The following ADARB1 variants were observed in gnomAD, a reference collection of about 807,000 sequenced individuals.
ADARB1 encodes the protein adenosine deaminase RNA specific B1.
In ADARB1, 10 loss-of-function variants were observed where a neutral mutation model predicts 52.4. That is an observed-to-expected ratio of 0.19 (90% CI 0.12 to 0.32). ADARB1 has a LOEUF of 0.32. ADARB1 is among the 10% of genes least tolerant of loss of function. ADARB1 has a pLI of 1.00. For missense variants in ADARB1, 643 were observed against 922.3 expected (o/e 0.70, Z 3.92); for synonymous variants, 349 against 371.1 (o/e 0.94, Z 0.68).
chr21:45,104,829 T>C (rs899222643), intron 1 of ADARB1, among the ~76,000 whole-genome samples: 4 of 152,218 alleles, frequency 2.6e-5, no homozygotes, highest in African/African-American at 4.8e-5. Context: ...CTTTGAAGTT[T>C]TCTTGGGGTG....
intron 1 of ADARB1, chr21:45,100,752 C>G (rs2086966779): frequency 6.6e-6 from 1 of 152,598 alleles, no homozygotes; most frequent in South Asian, 2.1e-4. Flanking sequence ...TCAAGCGTCT[C>G]TGTTGCTCAA....
chr21:45,192,655 G>C (rs1266493028), intron 8 of ADARB1, among the ~76,000 whole-genome samples: 1 of 152,114 alleles, frequency 6.6e-6, no homozygotes, highest in African/African-American at 2.4e-5. Flanking sequence ...GACAGAGAGA[G>C]GGCAAGGAAC....
At position 45,142,011 on chromosome 21, in the gene ADARB1, G is replaced by A. The variant is rs554012936; in HGVS notation, c.-48+13438G>A. Among the ~76,000 whole-genome samples the A allele has an allele frequency of 2.1e-3, 317 of 149,994 alleles. 2 individuals are homozygous for A. Among genetic ancestry groups the A allele is most frequent in the Non-Finnish European group, 3.3e-3 (224 of 67,318 alleles). ...TCACTCATGGTCAGCTTAGCTGTTT[G>A]TGGGTCACTTAGCCACCCCTGGGCC... On this transcript the variant is annotated intron_variant, in intron 2 of 10. Transcript: ENST00000348831. The surrounding 1 kb of genome is among the most constrained non-coding windows in gnomAD (Gnocchi z 4.0).
At chr21:45,198,506 C>CAT (rs2092476703) in intron 8 of ADARB1, among the ~76,000 whole-genome samples, 1 of 151,250 alleles carries the variant, frequency 6.6e-6, no homozygotes, top group East Asian at 1.9e-4. Context: ...ATCACACACA[C>CAT]ACACACACAC....
chr21:45,191,154 T>A (rs1359898775), intron 8 of ADARB1, among the ~76,000 whole-genome samples: 2 of 152,228 alleles, frequency 1.3e-5, no homozygotes, highest in African/African-American at 4.8e-5. Flanking sequence ...ACACCATTGA[T>A]TTTTTAATGT....
rs1335232384 is a variant in ADARB1, at chr21:45,172,405, T to C, written c.28+721T>C. Among the ~76,000 whole-genome samples, 1 of 152,214 alleles carries C rather than the reference T, an allele frequency of 6.6e-6. No homozygotes were observed. The highest frequency in any genetic ancestry group is 2.4e-5 in the African/African-American group (1 of 41,460). ...AATATAAATATCTGTATTTACCTTC[T>C]TACTTGTCTGAAGGAATAACATGCA... On this transcript the variant is annotated intron_variant, in intron 3 of 10. Transcript: ENST00000348831. This position sits in a 1 kb window ranked among gnomAD's most constrained non-coding sequence, Gnocchi z 4.4.
chr21:45,120,337 G>A lies in ADARB1; in HGVS notation c.-219-8065G>A, dbSNP rs148981811. Among the ~76,000 whole-genome samples the A allele has an allele frequency of 2.2e-3, 339 of 152,226 alleles. 2 individuals are homozygous for A. The highest frequency in any genetic ancestry group is 8.7e-3 in the South Asian group (42 of 4,816). On this transcript the variant is annotated intron_variant, in intron 1 of 10. Transcript: ENST00000348831. ...TCTGATTAAATCCATTTACATTTTC[G>A]TTAGAAAAATTCATCTGTGCATATG...
intron 2 of ADARB1, among the ~76,000 whole-genome samples, chr21:45,131,686 C>T (rs557919956): frequency 1.3e-5 from 2 of 152,208 alleles, no homozygotes; most frequent in Admixed American, 1.3e-4. Context: ...AAAGTTCTCT[C>T]GAAGCCTTGA....
At chr21:45,118,646 C>G (rs943512973) in intron 1 of ADARB1, 1 of 152,256 alleles carries the variant, frequency 6.6e-6, no homozygotes, top group Non-Finnish European at 1.5e-5. Flanking sequence ...CTCTCCTTCT[C>G]TCCCTCCCTG....
intron 2 of ADARB1, among the ~76,000 whole-genome samples, chr21:45,166,776 A>C (rs1431476784): frequency 1.2e-4 from 18 of 152,172 alleles, no homozygotes; most frequent in Admixed American, 1.2e-3. Flanking sequence ...AGTCAAGTTC[A>C]ATGTTCTTCC....
At chr21:45,177,643 A>C (rs2091757410) in intron 4 of ADARB1, 1 of 152,154 alleles carries the variant, frequency 6.6e-6, no homozygotes, top group Non-Finnish European at 1.5e-5. Flanking sequence ...TTCACTTTGA[A>C]GATAACATGT....
chr21:45,127,280 C>T (rs1412639596), intron 1 of ADARB1, among the ~76,000 whole-genome samples: 1 of 152,108 alleles, frequency 6.6e-6, no homozygotes, highest in Non-Finnish European at 1.5e-5. Context: ...GATTTGGGAG[C>T]TTGAATCTGG....
At chr21:45,154,367 TA>T (rs1360513559) in intron 2 of ADARB1, among the ~76,000 whole-genome samples, 1 of 152,200 alleles carries the variant, frequency 6.6e-6, no homozygotes, top group Non-Finnish European at 1.5e-5. Flanking sequence ...TTGAAACTAA[TA>T]AAAATACCTT....
At chr21:45,218,303 C>T (rs2092904777) in intron 9 of ADARB1, among the ~76,000 whole-genome samples, 1 of 152,118 alleles carries the variant, frequency 6.6e-6, no homozygotes, top group African/African-American at 2.4e-5. Flanking sequence ...CTAATCTTTT[C>T]TTCTGCGGTT....
intron 1 of ADARB1, among the ~76,000 whole-genome samples, chr21:45,079,183 A>G (rs1022842312): frequency 2.6e-5 from 4 of 152,194 alleles, no homozygotes; most frequent in African/African-American, 9.7e-5. Flanking sequence ...AGATGCCATC[A>G]TTTTTAAGTT....
chr21:45,206,951 G>GC (rs2092680077), intron 9 of ADARB1, among the ~76,000 whole-genome samples: 1 of 152,100 alleles, frequency 6.6e-6, no homozygotes, highest in Non-Finnish European at 1.5e-5. Flanking sequence ...GGGCTGTGCC[G>GC]AGCTGATTCA....
At chr21:45,195,811 T>C (rs2092411991) in intron 8 of ADARB1, among the ~76,000 whole-genome samples, 1 of 152,220 alleles carries the variant, frequency 6.6e-6, no homozygotes, top group South Asian at 2.1e-4. Context: ...CTGATTACTC[T>C]AGTATAGTAA....
chr21:45,188,659 G>A (rs2092189718), intron 8 of ADARB1, among the ~76,000 whole-genome samples: 1 of 151,516 alleles, frequency 6.6e-6, no homozygotes, highest in Admixed American at 6.6e-5. Context: ...TTTTGATTGG[G>A]GAGTTTATTC....
At chr21:45,146,451 A>T (rs944591121) in intron 2 of ADARB1, among the ~76,000 whole-genome samples, 1 of 152,332 alleles carries the variant, frequency 6.6e-6, no homozygotes, top group African/African-American at 2.4e-5. Context: ...TTTCAGCCGG[A>T]CCGGGACTCT....
Sources: gnomAD v4.1 joint callset for allele counts (sites outside exome capture counted in the v4.1 genomes callset) on GRCh38, gnomAD v4.1.1 for gene constraint, Gnocchi (gnomAD v3.1) non-coding constraint, MANE v1.5 for transcripts, NCBI Gene and HGNC (gene_info 2026-07-23, HGNC 2026-07-21) for gene names.